The following IFI44 variants were observed in gnomAD, a reference collection of about 807,000 sequenced individuals.
IFI44 encodes the protein interferon-induced protein 44.
In IFI44, 42 loss-of-function variants were observed where a neutral mutation model predicts 45.0. The ratio of observed to expected loss-of-function variants is 0.93; its 90% CI spans 0.73 to 1.21. The LOEUF (loss-of-function observed/expected upper bound fraction) is 1.21, where lower values mean the gene tolerates loss of function less well. IFI44 is among the 50% of genes most tolerant of loss of function. The pLI is 0.00. For missense variants in IFI44, 623 were observed against 525.8 expected (o/e 1.18, Z -1.81); for synonymous variants, 221 against 188.6 (o/e 1.17, Z -1.41).
rs1012225651 is a variant in IFI44 at position 78,656,733 on chromosome 1, T to C, written c.840+1222T>C. Among the ~76,000 whole-genome samples, 5 of 151,094 alleles carry C rather than the reference T, an allele frequency of 3.3e-5. No homozygotes were observed. In the South Asian group the frequency reaches 6.4e-4, roughly 19 times the overall value. On this transcript the variant is annotated intron_variant, in intron 5 of 8. Transcript: ENST00000370747. ...TTAGATTGAAATTATATTTACACTT[T>C]ATACTGAAAATTGATTGACATCTTT... is the stretch of plus-strand genomic sequence containing the variant.
At position 78,650,523 on chromosome 1, in the gene IFI44, T is replaced by A. The variant is rs891873615; in HGVS notation, c.328T>A (p.Ser110Thr). 1 of 1,613,584 alleles carries A rather than the reference T, an allele frequency of 6.2e-7. No homozygotes were observed. Among genetic ancestry groups the A allele is most frequent in the Non-Finnish European group, 8.5e-7 (1 of 1,179,548 alleles). The change falls in exon 2 of 9, where the codon TCC becomes ACC. Residue 110 changes from serine to threonine, a missense_variant. By Grantham distance (58) the Ser-to-Thr change is moderately conservative. Coordinates refer to ENST00000370747, the MANE Select transcript of IFI44 (RefSeq NM_006417.5). The stretch of plus-strand genomic sequence containing the variant: ...TTGTTGTGATGTTACAAAATATAAC[T>A]CCCCAACTAATTTCCAGATAGATGG... The part of the protein sequence containing the change: ...LFCCDVTKYN[S>T]PTNFQIDGRN...
intron 7 of IFI44, among the ~76,000 whole-genome samples, chr1:78,661,775 C>T (rs1291635953): frequency 1.3e-5 from 2 of 151,942 alleles, no homozygotes; most frequent in African/African-American, 2.4e-5. Flanking sequence ...ATCAATGGAA[C>T]GGCACAGGGA....
chr1:78,659,615 A>T lies in IFI44; in HGVS notation c.1012+132A>T, dbSNP rs562305467. 1.9e-3 allele frequency: 1,215 copies of T among 632,612 alleles called. 1 individual carries two copies. The highest frequency in any genetic ancestry group is 2.6e-3 in the South Asian group (90 of 34,108). The allele number at this position is 632,612 out of a possible 1,614,324, so 39.2% of individuals were successfully genotyped here. ...TTTCAATCTTCCCTAGCCTACCAGG[A>T]TGCTTCAATGAAATTGAGCATTCAT... On this transcript the variant is annotated intron_variant, in intron 6 of 8. Transcript: ENST00000370747.
Position 78,657,839 on chromosome 1 carries a change from C to T in IFI44, c.841-1473C>T, listed in dbSNP as rs188467343. Among the ~76,000 whole-genome samples, 340 of 152,206 alleles carry T rather than the reference C, an allele frequency of 2.2e-3. 2 individuals carry two copies. Among genetic ancestry groups the T allele is most frequent in the Middle Eastern group, 0.017 (5 of 294 alleles). On this transcript the variant is annotated intron_variant, in intron 5 of 8. Transcript: ENST00000370747. ...TGTGTTTCAATCCATTGTAGGTTTT[C>T]TCCATACTGATGTAAAATGTACCAT...
At chr1:78,660,137 T>A (rs1357040289) in intron 6 of IFI44, among the ~76,000 whole-genome samples, 1 of 152,194 alleles carries the variant, frequency 6.6e-6, no homozygotes, top group Non-Finnish European at 1.5e-5. Context: ...ATAAGGGAAG[T>A]TTACTTGTGA....
In IFI44 at chr1:78,655,422, G is replaced by A. The variant is rs769610229; in HGVS notation, c.751G>A (p.Asp251Asn). ...DGKYLPFILC[D>N]SLGLSEKEGG... ...CAAATACCTGCCGTTTATTCTGTGT[G>A]ACTCACTGGGGCTGAGTGAGAAAGA... Residue 251 changes from aspartate (D) to asparagine (N), a missense_variant, in exon 5 of 9, where the codon GAC (aspartate) becomes AAC (asparagine). Transcript: ENST00000370747. The A allele has an allele frequency of 3.7e-6, 6 of 1,613,438 alleles. No individual in the cohort carries two copies. Among genetic ancestry groups the A allele is most frequent in the South Asian group, 1.1e-5 (1 of 91,070 alleles).
At chr1:78,663,695 A>G in intron 8 of IFI44, 70 bp from the exon 9 acceptor site, 1 of 1,584,150 alleles carries the variant, frequency 6.3e-7, no homozygotes, top group Non-Finnish European at 8.6e-7. Context: ...CAGTGGTCCA[A>G]TATTCCTCTT....
intron 7 of IFI44, among the ~76,000 whole-genome samples, chr1:78,661,374 A>C (rs537310901): frequency 6.6e-6 from 1 of 151,606 alleles, no homozygotes; most frequent in Non-Finnish European, 1.5e-5. Context: ...TTTTTTTTCA[A>C]TTTTTTTTGA....
rs372341868 is a variant in IFI44, at chr1:78,655,153, G to C, written c.634G>C (p.Gly212Arg). The part of the protein sequence containing the change: ...FFNSVRSVFQ[G>R]HVTHQALVGT... The stretch of plus-strand genomic sequence containing the variant: ...CAACTCAGTGAGGTCTGTTTTCCAA[G>C]GGCATGTAACGCATCAGGCTTTGGT... Residue 212 changes from glycine (G) to arginine (R), a missense_variant, in exon 4 of 9, where the codon GGG becomes CGG. Coordinates refer to ENST00000370747, the MANE Select transcript of IFI44 (RefSeq NM_006417.5). The C allele has an allele frequency of 3.7e-6, 6 of 1,613,846 alleles. No individual in the cohort carries two copies. Among genetic ancestry groups the C allele is most frequent in the Non-Finnish European group, 5.1e-6 (6 of 1,179,872 alleles).
intron 7 of IFI44, 105 bp from the exon 8 acceptor site, chr1:78,662,589 TCCAATGGGAA>T: frequency 1.3e-6 from 1 of 778,470 alleles, no homozygotes; most frequent in Admixed American, 2.8e-5. Flanking sequence ...TCCATTTTTT[TCCAATGGGAA>T]ATTATTGCAA....
intron 7 of IFI44, among the ~76,000 whole-genome samples, chr1:78,661,164 G>A (rs1647428502): frequency 6.6e-6 from 1 of 152,144 alleles, no homozygotes. Context: ...CTGGGTTCAA[G>A]TGATTCTCCT....
At chr1:78,660,416 G>C (rs1221211675) in intron 6 of IFI44, 138 bp from the exon 7 acceptor site, 2 of 616,696 alleles carry the variant, frequency 3.2e-6, no homozygotes, top group South Asian at 2.1e-5. Context: ...TTTTTGGGGA[G>C]ATGAGGGTGA....
chr1:78,659,620 T>C, intron 6 of IFI44, 137 bp downstream of exon 6: 1 of 614,154 alleles, frequency 1.6e-6, no homozygotes, highest in South Asian at 3.0e-5. Flanking sequence ...CCAGGATGCT[T>C]CAATGAAATT....
rs2100427394 is a variant in IFI44 at position 78,650,616 on chromosome 1, A to C, written c.421A>C (p.Ile141Leu). ...TCTTGGACTTGCTCAAAATTGTACT[A>C]TCTCTATTCAGGATTATGAAGTTTT... ...ENLGLAQNCTISIQDYEVFRC... is the reference protein window; with the variant it reads ...ENLGLAQNCTLSIQDYEVFRC... The change falls in exon 2 of 9, where the codon ATC (isoleucine) becomes CTC (leucine). Residue 141 changes from isoleucine to leucine, a missense_variant. Ile to Leu is a conservative substitution (Grantham distance 5). Transcript: ENST00000370747. 6.2e-7 allele frequency: 1 copy of C among 1,605,478 alleles called. No homozygotes were observed. The highest frequency in any genetic ancestry group is 1.1e-5 in the South Asian group (1 of 89,218).
rs567641354 is a variant in IFI44 at position 78,655,849 on chromosome 1, C to T, written c.840+338C>T. Among the ~76,000 whole-genome samples, 35 of 152,230 alleles carry T rather than the reference C, an allele frequency of 2.3e-4. No homozygotes were observed. The South Asian group carries it at 6.6e-3, about 29-fold the overall frequency. On this transcript the variant is annotated intron_variant, in intron 5 of 8. Transcript: ENST00000370747. ...GAAGTTACTAACTTCAGAGATCCTT[C>T]TGACTTTTTGAGGCCCTCAGCATGG...
At chr1:78,652,363 GA>G (rs1647138348) in intron 2 of IFI44, among the ~76,000 whole-genome samples, 3 of 152,196 alleles carry the variant, frequency 2.0e-5, no homozygotes, top group African/African-American at 7.2e-5. Context: ...TAACAGGCGT[GA>G]GCCACCGTGC....
chr1:78,659,270 A>C (rs377551348), intron 5 of IFI44, 42 bp from the exon 6 acceptor site: 128 of 1,519,032 alleles, frequency 8.4e-5, no homozygotes, highest in Non-Finnish European at 1.1e-4. Context: ...GTGCTCATAA[A>C]TATTTGTTGA....
In IFI44 at chr1:78,659,294, T is replaced by A; in HGVS notation, c.841-18T>A. 1 of 1,592,748 alleles carries A rather than the reference T, an allele frequency of 6.3e-7. No homozygotes were observed. The highest frequency in any genetic ancestry group is 8.6e-7 in the Non-Finnish European group (1 of 1,162,282). On this transcript the variant is annotated intron_variant, in intron 5 of 8. Coordinates refer to ENST00000370747, the MANE Select transcript of IFI44 (RefSeq NM_006417.5). ...AATATTTGTTGAATTAATATCTTGC[T>A]TTATGTCTACCTTACAGTTTAATCC...
intron 2 of IFI44, among the ~76,000 whole-genome samples, chr1:78,651,394 G>T (rs1186151647): frequency 6.6e-6 from 1 of 152,090 alleles, no homozygotes; most frequent in Non-Finnish European, 1.5e-5. Flanking sequence ...TCATAATATG[G>T]TTTGCGCTCC....
Sources: gnomAD v4.1 joint callset for allele counts (sites outside exome capture counted in the v4.1 genomes callset) on GRCh38, gnomAD v4.1.1 for gene constraint, MANE v1.5 for transcripts, NCBI Gene and HGNC (gene_info 2026-07-23, HGNC 2026-07-21) for gene names.